The following GAB2 variants were observed in gnomAD, a reference collection of about 807,000 sequenced individuals.
The protein encoded by GAB2 is GRB2 associated binding protein 2, also known as GRB2-associated-binding protein 2.
GAB2 carries 26 observed loss-of-function variants against 65.5 expected under a neutral mutation model. That is an observed-to-expected ratio of 0.40 (90% CI 0.29 to 0.55). GAB2 has a LOEUF of 0.55. Ranked by LOEUF, GAB2 falls within the 20% of genes least tolerant of loss-of-function variation. The pLI is 0.53. For synonymous variants in GAB2, 321 were observed against 329.6 expected (o/e 0.97, Z 0.28); for missense variants, 884 against 875.8 (o/e 1.01, Z -0.12).
At chr11:78,333,297 G>A (rs1291058004) in intron 1 of GAB2, among the ~76,000 whole-genome samples, 2 of 151,820 alleles carry the variant, frequency 1.3e-5, no homozygotes, top group African/African-American at 2.4e-5. Context: ...AAAAAGTCTC[G>A]CTCTGTCACT....
intron 3 of GAB2, among the ~76,000 whole-genome samples, chr11:78,244,855 G>T (rs1227461990): frequency 1.3e-5 from 2 of 152,102 alleles, no homozygotes; most frequent in Non-Finnish European, 2.9e-5. Context: ...AATTAGTACA[G>T]TCGTTATGGA....
At chr11:78,309,571 AG>A (rs1855444406) in intron 1 of GAB2, among the ~76,000 whole-genome samples, 1 of 150,262 alleles carries the variant, frequency 6.7e-6, no homozygotes, top group Admixed American at 6.7e-5. Flanking sequence ...CCCAGGGTTG[AG>A]GGGATCCTCC....
intron 1 of GAB2, among the ~76,000 whole-genome samples, chr11:78,307,331 T>A (rs1565152512): frequency 6.6e-6 from 1 of 152,010 alleles, no homozygotes; most frequent in South Asian, 2.1e-4. Flanking sequence ...TAAAAAAAAA[T>A]TTAAGGTAAG....
intron 2 of GAB2, among the ~76,000 whole-genome samples, chr11:78,267,722 G>A (rs1865905298): frequency 6.6e-6 from 1 of 151,874 alleles, no homozygotes; most frequent in East Asian, 1.9e-4. Flanking sequence ...GCCGGGTGCA[G>A]TGGCAGGCAC....
intron 2 of GAB2, among the ~76,000 whole-genome samples, chr11:78,269,270 G>C (rs1033169804): frequency 2.0e-5 from 3 of 152,090 alleles, no homozygotes; most frequent in Non-Finnish European, 2.9e-5. Flanking sequence ...TTCCAACAAG[G>C]GTTCCCCAGA....
chr11:78,362,182 A>G (rs1307010478), intron 1 of GAB2, among the ~76,000 whole-genome samples: 2 of 152,104 alleles, frequency 1.3e-5, no homozygotes. Flanking sequence ...TATTAGATAT[A>G]TTCTAACATA....
At chr11:78,336,326 C>CAAAAAA (rs71046966) in intron 1 of GAB2, among the ~76,000 whole-genome samples, 2 of 19,254 alleles carry the variant, frequency 1.0e-4, no homozygotes, top group African/African-American at 1.3e-4. Flanking sequence ...GACTGTCTCT[C>CAAAAAA]AAAAAAAAAA....
intron 1 of GAB2, among the ~76,000 whole-genome samples, chr11:78,282,664 T>C (rs993331132): frequency 1.6e-4 from 24 of 152,102 alleles, no homozygotes; most frequent in African/African-American, 5.8e-4. Flanking sequence ...GCCTCATCTA[T>C]ATGAAAATCA....
rs1159721373 is a variant in GAB2 at position 78,215,431 on chromosome 11, C to A, written c.*3841G>T. On this transcript the variant is annotated 3_prime_UTR_variant, in exon 10 of 10. Transcript: ENST00000361507. The stretch of plus-strand genomic sequence containing the variant: ...TTGAACACACTCCTGTCCCACCCAC[C>A]GGATAAATATGTTACAATTTAAAAA... The A allele has an allele frequency of 6.6e-6, 1 of 152,472 alleles. No individual in the cohort carries two copies. The highest frequency in any genetic ancestry group is 1.5e-5 in the Non-Finnish European group (1 of 68,034). The allele number at this position is 152,472 out of a possible 1,614,324, so 9.4% of individuals were successfully genotyped here.
intron 1 of GAB2, among the ~76,000 whole-genome samples, chr11:78,349,131 T>C (rs1856235576): frequency 1.3e-5 from 2 of 152,188 alleles, no homozygotes; most frequent in Admixed American, 1.3e-4. Flanking sequence ...CAGACACCTA[T>C]GAGACTCATT....
chr11:78,329,873 T>C (rs1565162076), intron 1 of GAB2, among the ~76,000 whole-genome samples: 1 of 152,232 alleles, frequency 6.6e-6, no homozygotes, highest in Non-Finnish European at 1.5e-5. Context: ...AGTTAGAAAA[T>C]CTGGAAAACT....
intron 1 of GAB2, among the ~76,000 whole-genome samples, chr11:78,377,086 A>C (rs548899861): frequency 6.6e-6 from 1 of 152,352 alleles, no homozygotes; most frequent in East Asian, 1.9e-4. Flanking sequence ...GCTTCACCAG[A>C]AGCTGAGCAG....
At chr11:78,311,227 ACT>A in intron 1 of GAB2, among the ~76,000 whole-genome samples, 2 of 152,166 alleles carry the variant, frequency 1.3e-5, no homozygotes, top group Non-Finnish European at 2.9e-5. Context: ...TTTACTGAAC[ACT>A]TATTAGGTAC....
At chr11:78,239,450 A>G (rs1160878889) in intron 3 of GAB2, among the ~76,000 whole-genome samples, 1 of 152,000 alleles carries the variant, frequency 6.6e-6, no homozygotes, top group African/African-American at 2.4e-5. Flanking sequence ...TGAACTCCTG[A>G]CCTCGTGATC....
chr11:78,338,327 T>G (rs1177209535), intron 1 of GAB2, among the ~76,000 whole-genome samples: 3 of 152,166 alleles, frequency 2.0e-5, no homozygotes, highest in African/African-American at 7.2e-5. Flanking sequence ...AAGACATAAG[T>G]AGAAATCTTT....
intron 2 of GAB2, among the ~76,000 whole-genome samples, chr11:78,270,491 T>C (rs946290992): frequency 3.9e-5 from 6 of 152,174 alleles, no homozygotes; most frequent in Non-Finnish European, 7.3e-5. Flanking sequence ...GACACAGCCA[T>C]AGACGGTAGT....
intron 1 of GAB2, among the ~76,000 whole-genome samples, chr11:78,293,559 G>A (rs1168815120): frequency 2.0e-5 from 3 of 152,096 alleles, no homozygotes; most frequent in South Asian, 2.1e-4. Context: ...TTTATATAAA[G>A]CTGACTCCAA....
chr11:78,331,974 T>G (rs1463842117), intron 1 of GAB2, among the ~76,000 whole-genome samples: 2 of 152,270 alleles, frequency 1.3e-5, no homozygotes, highest in African/African-American at 4.8e-5. Context: ...AGGGCATTTG[T>G]GTTGGGCAAC....
intron 6 of GAB2, 79 bp from the exon 7 acceptor site, chr11:78,222,274 G>A (rs1041493128): frequency 6.2e-5 from 56 of 910,390 alleles, no homozygotes; most frequent in Middle Eastern, 4.2e-4. Flanking sequence ...TAACACATGA[G>A]CATGTTTATA....
Sources: allele counts gnomAD v4.1 joint callset (sites outside exome capture counted in the v4.1 genomes callset), GRCh38; gene constraint gnomAD v4.1.1; transcripts MANE v1.5; gene names NCBI Gene and HGNC (gene_info 2026-07-23, HGNC 2026-07-21).